MYT1L: variants seen among roughly 807,000 people sequenced by gnomAD.
MYT1L encodes myelin transcription factor 1-like protein.
Under a neutral mutation model 126.7 loss-of-function variants are expected in MYT1L, and 12 were observed. That is an observed-to-expected ratio of 0.09 (90% confidence interval 0.06 to 0.15). MYT1L has a LOEUF of 0.15. MYT1L is among the 10% of genes least tolerant of loss of function. MYT1L has a pLI of 1.00. For synonymous variants in MYT1L, 541 were observed against 604.2 expected, an observed-to-expected ratio of 0.90 and a Z score of 1.53; for missense variants, 979 against 1,585.2, an observed-to-expected ratio of 0.62 and a Z score of 6.49.
At chr2:2,275,244 GTGCA>G (rs1189365785) in intron 2 of MYT1L, among the ~76,000 whole-genome samples, 5 of 149,086 alleles carry the variant, frequency 3.4e-5, no homozygotes, top group African/African-American at 1.2e-4. Context: ...GTGTGTGTGT[GTGCA>G]TGCCTGTTAT....
intron 4 of MYT1L, among the ~76,000 whole-genome samples, chr2:2,003,689 A>T (rs1385857734): frequency 2.6e-5 from 4 of 152,052 alleles, no homozygotes. Flanking sequence ...GTAAGACAGC[A>T]CCCTGGTGTG....
intron 4 of MYT1L, among the ~76,000 whole-genome samples, chr2:2,044,377 G>A (rs939150947): frequency 6.6e-6 from 1 of 152,176 alleles, no homozygotes; most frequent in Non-Finnish European, 1.5e-5. Context: ...GCGTAAAGTT[G>A]CAAATGCAGA....
At chr2:2,229,528 A>G (rs1424128707) in intron 2 of MYT1L, among the ~76,000 whole-genome samples, 2 of 151,874 alleles carry the variant, frequency 1.3e-5, no homozygotes, top group Non-Finnish European at 2.9e-5. Context: ...TGAAGCCTCA[A>G]CCTCCTGGGT....
chr2:1,937,433 G>A (rs1054292043), intron 9 of MYT1L, among the ~76,000 whole-genome samples: 3 of 150,056 alleles, frequency 2.0e-5, no homozygotes, highest in South Asian at 2.1e-4. Flanking sequence ...CCATCAGATC[G>A]TACATCGAGA....
chr2:1,828,392 T>C (rs903236844), intron 21 of MYT1L: 1 of 152,138 alleles, frequency 6.6e-6, no homozygotes, highest in African/African-American at 2.4e-5. Context: ...TTTTTACAGA[T>C]GGAATGAGAA....
intron 3 of MYT1L, among the ~76,000 whole-genome samples, chr2:2,064,141 AG>A: frequency 6.6e-6 from 1 of 152,306 alleles, no homozygotes; most frequent in Non-Finnish European, 1.5e-5. Context: ...GCCCAGAGAA[AG>A]GGGCTATAGA....
intron 4 of MYT1L, among the ~76,000 whole-genome samples, chr2:2,033,228 C>T (rs570788795): frequency 7.2e-6 from 1 of 139,670 alleles, no homozygotes; most frequent in East Asian, 2.3e-4. Context: ...TCGCCCAGAG[C>T]AGATTCTAGA....
chr2:2,202,957 G>T (rs995927347), intron 2 of MYT1L, among the ~76,000 whole-genome samples: 11 of 152,032 alleles, frequency 7.2e-5, no homozygotes, highest in Admixed American at 1.3e-4. Context: ...GGGATGCAAG[G>T]CTGGTTCAAC....
chr2:2,233,179 G>A (rs2094200630), intron 2 of MYT1L, among the ~76,000 whole-genome samples: 2 of 152,172 alleles, frequency 1.3e-5, no homozygotes, highest in African/African-American at 2.4e-5. Context: ...GGAAATCTTG[G>A]AGAAGCTATT....
At chr2:2,242,246 C>T (rs989099894) in intron 2 of MYT1L, among the ~76,000 whole-genome samples, 2 of 152,140 alleles carry the variant, frequency 1.3e-5, no homozygotes, top group Admixed American at 1.3e-4. Flanking sequence ...TTTCCCTCTG[C>T]CAATCTCTGC....
chr2:1,868,194 C>T (rs2045843009), intron 18 of MYT1L, among the ~76,000 whole-genome samples: 1 of 152,120 alleles, frequency 6.6e-6, no homozygotes, highest in Admixed American at 6.5e-5. Flanking sequence ...AACTCCTGAC[C>T]TCAGGTGATC....
At chr2:2,127,380 A>G (rs140232733) in intron 3 of MYT1L, among the ~76,000 whole-genome samples, 4 of 152,332 alleles carry the variant, frequency 2.6e-5, no homozygotes, top group African/African-American at 9.6e-5. Flanking sequence ...AAATACAAAC[A>G]AAAGGCTCTC....
chr2:1,809,017 G>T, intron 22 of MYT1L, 59 bp downstream of exon 22: 2 of 1,470,248 alleles, frequency 1.4e-6, no homozygotes, highest in Non-Finnish European at 9.5e-7. Flanking sequence ...CAGCTGGCAT[G>T]GCCGTGCCCG....
intron 3 of MYT1L, among the ~76,000 whole-genome samples, chr2:2,169,848 C>T (rs2089755377): frequency 6.6e-6 from 1 of 152,174 alleles, no homozygotes; most frequent in African/African-American, 2.4e-5. Context: ...AGAACTCCCT[C>T]TGTATCCAGG....
At chr2:2,015,826 C>A (rs896377240) in intron 4 of MYT1L, among the ~76,000 whole-genome samples, 1 of 152,150 alleles carries the variant, frequency 6.6e-6, no homozygotes, top group African/African-American at 2.4e-5. Context: ...GAAGTGGCAG[C>A]CCTTTGTCTA....
At chr2:2,295,934 G>C (rs992359040) in intron 1 of MYT1L, among the ~76,000 whole-genome samples, 2 of 149,974 alleles carry the variant, frequency 1.3e-5, no homozygotes, top group Admixed American at 6.7e-5. Context: ...AGAGAGGTTG[G>C]GGGGGAGGAG....
At position 1,922,164 on chromosome 2, in the gene MYT1L, C is replaced by T; in HGVS notation, c.1483+122G>A. On this transcript the variant is annotated intron_variant, in intron 10 of 24. Coordinates refer to ENST00000647738, the MANE Select transcript of MYT1L (RefSeq NM_001303052.2). This position sits in a 1 kb window ranked among gnomAD's most constrained non-coding sequence, Gnocchi z 7.4. ...ACAAAATATCCTTCTGGAATCAACT[C>T]TAAGAATGTGCAGTAGAGACATAAT... The T allele has an allele frequency of 7.8e-7, 1 of 1,289,198 alleles. No individual in the cohort carries two copies. The highest frequency in any genetic ancestry group is 1.1e-6 in the Non-Finnish European group (1 of 949,052). 79.9% of individuals were successfully genotyped at this position (1,289,198 alleles called of 1,614,324 possible).
intron 8 of MYT1L, among the ~76,000 whole-genome samples, chr2:1,968,791 C>T (rs934157835): frequency 6.6e-6 from 1 of 152,220 alleles, no homozygotes; most frequent in Non-Finnish European, 1.5e-5. Flanking sequence ...GCACGGCACA[C>T]ACAGCCAGGC....
chr2:2,081,701 C>T (rs2075843254), intron 3 of MYT1L, among the ~76,000 whole-genome samples: 1 of 152,020 alleles, frequency 6.6e-6, no homozygotes, highest in Non-Finnish European at 1.5e-5. Flanking sequence ...TCTTTTTAAC[C>T]TCTTCATACC....
Sources: allele counts gnomAD v4.1 joint callset (sites outside exome capture counted in the v4.1 genomes callset), GRCh38; gene constraint gnomAD v4.1.1; non-coding constraint Gnocchi (gnomAD v3.1); transcripts MANE v1.5; gene names NCBI Gene and HGNC (gene_info 2026-07-23, HGNC 2026-07-21).